Variants in NAV3 observed in about 807,000 individuals in gnomAD.
NAV3 encodes the protein pore membrane and/or filament interacting like protein 1.
NAV3 carries 87 observed loss-of-function variants against 244.7 expected under a neutral mutation model. The ratio of observed to expected loss-of-function variants is 0.36; its 90% CI spans 0.30 to 0.42. The LOEUF is 0.42. Among genes scored for constraint, NAV3 ranks in the 20% least tolerant of loss-of-function variants. The pLI, the probability that NAV3 is intolerant of heterozygous loss-of-function variation, is 1.00. For synonymous variants in NAV3, 1,126 were observed against 1,042.2 expected, an observed-to-expected ratio of 1.08 and a Z score of -1.55; for missense variants, 2,663 against 2,893.3, an observed-to-expected ratio of 0.92 and a Z score of 1.83.
intron 2 of NAV3, among the ~76,000 whole-genome samples, chr12:77,694,482 A>C (rs1156723818): frequency 1.3e-5 from 2 of 151,962 alleles, no homozygotes; most frequent in Non-Finnish European, 2.9e-5. Context: ...AATTAAAAAA[A>C]AAAAAAAAGG....
chr12:77,771,767 T>C (rs1870099941), intron 2 of NAV3, among the ~76,000 whole-genome samples: 1 of 151,404 alleles, frequency 6.6e-6, no homozygotes, highest in African/African-American at 2.4e-5. Flanking sequence ...TGTTGTGGGG[T>C]TGGGGGAGAG....
Position 78,051,121 on chromosome 12 carries a change from T to C in NAV3, c.2490T>C (p.Ser830=). 3.1e-6 allele frequency: 5 copies of C among 1,611,512 alleles called. No individual in the cohort carries two copies. The highest frequency in any genetic ancestry group is 4.2e-6 in the Non-Finnish European group (5 of 1,177,958). ...GTGATGGTGATATCCTTGGGAAAAG[T>C]CTCAGGACTGATGACATCAACAGTG... ...YMSDGDILGK[S]LRTDDINSGY... is the part of the protein sequence containing the mutation. The change falls in exon 11 of 40, where the codon AGT becomes AGC. Residue 830 remains serine, a synonymous_variant. Coordinates refer to ENST00000397909, the MANE Select transcript of NAV3 (RefSeq NM_001024383.2).
chr12:77,917,636 A>G (rs1196044418), intron 1 of NAV3, among the ~76,000 whole-genome samples: 1 of 151,970 alleles, frequency 6.6e-6, no homozygotes, highest in African/African-American at 2.4e-5. Context: ...CTTGAAAGCT[A>G]TATTTTAATT....
At chr12:77,990,601 A>G (rs2136350420) in intron 5 of NAV3, among the ~76,000 whole-genome samples, 1 of 152,330 alleles carries the variant, frequency 6.6e-6, no homozygotes, top group Admixed American at 6.5e-5. Flanking sequence ...TTTATGGGAC[A>G]TTTAGGCCAG....
intron 7 of NAV3, among the ~76,000 whole-genome samples, chr12:78,005,359 A>G (rs1420388297): frequency 6.6e-6 from 1 of 152,246 alleles, no homozygotes; most frequent in Non-Finnish European, 1.5e-5. Context: ...TAATGAATTT[A>G]GCAATTTGGG....
At chr12:77,899,127 G>T (rs1332488225) in intron 1 of NAV3, among the ~76,000 whole-genome samples, 2 of 152,134 alleles carry the variant, frequency 1.3e-5, no homozygotes, top group Non-Finnish European at 2.9e-5. Context: ...CAAAGAAAGT[G>T]GTTTCTATTC....
chr12:78,082,586 C>T (rs1953415657), intron 12 of NAV3, among the ~76,000 whole-genome samples: 1 of 152,068 alleles, frequency 6.6e-6, no homozygotes, highest in Non-Finnish European at 1.5e-5. Context: ...ATATAGCCCC[C>T]CCCACCATTA....
chr12:77,891,989 CTT>C (rs988213312), intron 1 of NAV3, among the ~76,000 whole-genome samples: 3 of 152,150 alleles, frequency 2.0e-5, no homozygotes, highest in African/African-American at 7.2e-5. Flanking sequence ...TTTCTGTACT[CTT>C]TGTCAGTTTC....
At chr12:77,671,618 C>G (rs982009296) in intron 2 of NAV3, among the ~76,000 whole-genome samples, 1 of 152,084 alleles carries the variant, frequency 6.6e-6, no homozygotes, top group Admixed American at 6.6e-5. Flanking sequence ...CAAATACTTA[C>G]AGCCAACTGA....
At chr12:77,985,213 T>C (rs1423306031) in intron 5 of NAV3, among the ~76,000 whole-genome samples, 1 of 152,186 alleles carries the variant, frequency 6.6e-6, no homozygotes, top group Non-Finnish European at 1.5e-5. Flanking sequence ...ACCAAATTTT[T>C]CCAAATTAAA....
chr12:77,896,834 C>T (rs553780309), intron 1 of NAV3, among the ~76,000 whole-genome samples: 1 of 152,206 alleles, frequency 6.6e-6, no homozygotes, highest in South Asian at 2.1e-4. Flanking sequence ...TGATGTGAAA[C>T]CCTTGCTTTT....
intron 9 of NAV3, among the ~76,000 whole-genome samples, chr12:78,024,819 CAA>C (rs1361061067): frequency 1.3e-5 from 2 of 151,784 alleles, no homozygotes; most frequent in African/African-American, 2.4e-5. Context: ...ACTAAAAATA[CAA>C]AAAAATAGCC....
chr12:78,097,300 T>G (rs1033069087), intron 12 of NAV3, among the ~76,000 whole-genome samples: 3 of 152,226 alleles, frequency 2.0e-5, no homozygotes, highest in Non-Finnish European at 4.4e-5. Context: ...TTCTCTTCTA[T>G]ATCCATGCTT....
At chr12:77,730,753 T>C (rs1443095129) in intron 2 of NAV3, among the ~76,000 whole-genome samples, 1 of 151,014 alleles carries the variant, frequency 6.6e-6, no homozygotes, top group Admixed American at 6.6e-5. Context: ...TTGAATGGGA[T>C]GGCATAGTGC....
chr12:77,913,035 C>T (rs968944766), intron 1 of NAV3, among the ~76,000 whole-genome samples: 1 of 151,930 alleles, frequency 6.6e-6, no homozygotes, highest in African/African-American at 2.4e-5. Flanking sequence ...ATATTTGAGA[C>T]ACAGTTTTGT....
chr12:78,207,479 C>G (rs1243132105), intron 39 of NAV3, among the ~76,000 whole-genome samples: 1 of 152,080 alleles, frequency 6.6e-6, no homozygotes, highest in Non-Finnish European at 1.5e-5. Context: ...CCTATATGAA[C>G]TGCAGTAACA....
At chr12:77,880,853 A>G (rs151001154) in intron 1 of NAV3, among the ~76,000 whole-genome samples, 14 of 152,308 alleles carry the variant, frequency 9.2e-5, no homozygotes, top group Non-Finnish European at 2.1e-4. Flanking sequence ...TTGTGTAACT[A>G]CACTCTATGA....
At chr12:78,058,686 A>G (rs1353077670) in intron 11 of NAV3, among the ~76,000 whole-genome samples, 1 of 152,188 alleles carries the variant, frequency 6.6e-6, no homozygotes. Flanking sequence ...GAGTTATATT[A>G]TCTGCAAGCC....
At chr12:77,907,255 T>A (rs575521599) in intron 1 of NAV3, among the ~76,000 whole-genome samples, 5 of 152,194 alleles carry the variant, frequency 3.3e-5, no homozygotes, top group African/African-American at 1.2e-4. Context: ...TCAGGAGAGA[T>A]GATAGCTCAT....
Sources: gnomAD v4.1 joint callset for allele counts (sites outside exome capture counted in the v4.1 genomes callset) on GRCh38, gnomAD v4.1.1 for gene constraint, MANE v1.5 for transcripts, NCBI Gene and HGNC (gene_info 2026-07-23, HGNC 2026-07-21) for gene names.